FGF12: variants seen among roughly 807,000 people sequenced by gnomAD.
The protein encoded by FGF12 is fibroblast growth factor 12B.
FGF12 carries 14 observed loss-of-function variants against 23.6 expected under a neutral mutation model. The ratio of observed to expected loss-of-function variants is 0.59; its 90% confidence interval spans 0.39 to 0.93. FGF12 has a LOEUF of 0.93. Ranked by LOEUF, FGF12 falls within the 40% of genes least tolerant of loss-of-function variation. FGF12 has a pLI of 0.00. For synonymous variants in FGF12, 62 were observed against 77.3 expected, an observed-to-expected ratio of 0.80 and a Z score of 1.04; for missense variants, 175 against 217.8, an observed-to-expected ratio of 0.80 and a Z score of 1.24.
chr3:192,393,420 G>A (rs1720391228), intron 2 of FGF12, among the ~76,000 whole-genome samples: 2 of 152,178 alleles, frequency 1.3e-5, no homozygotes, highest in South Asian at 2.1e-4. Flanking sequence ...ACACCATGAG[G>A]TGGCCTCTAA....
chr3:192,171,906 T>C (rs1205232325), intron 4 of FGF12, among the ~76,000 whole-genome samples: 1 of 139,226 alleles, frequency 7.2e-6, no homozygotes, highest in Admixed American at 7.4e-5. Context: ...CCCTCTCTCC[T>C]TTTTTTTCTT....
At chr3:192,339,157 A>G (rs769572004) in intron 3 of FGF12, among the ~76,000 whole-genome samples, 3 of 152,166 alleles carry the variant, frequency 2.0e-5, no homozygotes, top group Non-Finnish European at 4.4e-5. Flanking sequence ...ATTTGAAACG[A>G]GACTTTATTG....
chr3:192,664,362 C>T (rs1279032444), intron 2 of FGF12, among the ~76,000 whole-genome samples: 1 of 152,026 alleles, frequency 6.6e-6, no homozygotes, highest in Non-Finnish European at 1.5e-5. Context: ...CAGAGTTGTT[C>T]TAGGACCTTG....
At chr3:192,703,513 A>T (rs1718370465) in intron 2 of FGF12, among the ~76,000 whole-genome samples, 1 of 152,218 alleles carries the variant, frequency 6.6e-6, no homozygotes, top group Non-Finnish European at 1.5e-5. Context: ...TCAAAATGAG[A>T]CAACACTCAA....
At chr3:192,489,434 C>A (rs899078829) in intron 2 of FGF12, among the ~76,000 whole-genome samples, 3 of 151,986 alleles carry the variant, frequency 2.0e-5, no homozygotes, top group African/African-American at 7.2e-5. Context: ...AAATCCATTT[C>A]TTTTTCTTCT....
chr3:192,426,658 G>A (rs1177071234), intron 2 of FGF12, among the ~76,000 whole-genome samples: 1 of 152,132 alleles, frequency 6.6e-6, no homozygotes, highest in Non-Finnish European at 1.5e-5. Context: ...GATAAAAAGT[G>A]TAATACAAAA....
chr3:192,313,456 G>A (rs995329170), intron 4 of FGF12, among the ~76,000 whole-genome samples: 3 of 152,122 alleles, frequency 2.0e-5, no homozygotes, highest in African/African-American at 7.2e-5. Flanking sequence ...CCCATCTATT[G>A]AAATCGAAGA....
At chr3:192,635,005 G>A (rs1224188705) in intron 2 of FGF12, among the ~76,000 whole-genome samples, 4 of 152,158 alleles carry the variant, frequency 2.6e-5, no homozygotes, top group Non-Finnish European at 5.9e-5. Context: ...GATTACAGGC[G>A]CGTGCCACCA....
intron 2 of FGF12, among the ~76,000 whole-genome samples, chr3:192,491,566 T>G (rs1030343771): frequency 6.6e-6 from 1 of 152,150 alleles, no homozygotes; most frequent in Non-Finnish European, 1.5e-5. Flanking sequence ...TACAGGCAAC[T>G]TTACCTCTTA....
intron 2 of FGF12, among the ~76,000 whole-genome samples, chr3:192,683,819 C>G (rs1717631488): frequency 6.6e-6 from 1 of 152,144 alleles, no homozygotes; most frequent in African/African-American, 2.4e-5. Context: ...GAATTGAAAT[C>G]ACTGATGTAA....
At chr3:192,482,145 G>C (rs1723497846) in intron 2 of FGF12, among the ~76,000 whole-genome samples, 1 of 152,136 alleles carries the variant, frequency 6.6e-6, no homozygotes, top group Admixed American at 6.5e-5. Flanking sequence ...TTCCAAGTTT[G>C]AGTTTTGAAC....
At chr3:192,433,131 A>T (rs1721915427) in intron 2 of FGF12, among the ~76,000 whole-genome samples, 1 of 152,160 alleles carries the variant, frequency 6.6e-6, no homozygotes, top group Non-Finnish European at 1.5e-5. Context: ...CATCATTTTT[A>T]GATTCATTGT....
At chr3:192,666,463 T>G (rs537096357) in intron 2 of FGF12, among the ~76,000 whole-genome samples, 1 of 152,220 alleles carries the variant, frequency 6.6e-6, no homozygotes, top group Non-Finnish European at 1.5e-5. Flanking sequence ...TAAATACAAG[T>G]GCTGTGACTT....
At chr3:192,524,252 A>G (rs1257511141) in intron 2 of FGF12, among the ~76,000 whole-genome samples, 2 of 152,196 alleles carry the variant, frequency 1.3e-5, no homozygotes, top group African/African-American at 4.8e-5. Context: ...AAATTATTTC[A>G]GGGCATTTTT....
chr3:192,594,921 G>C (rs947953929), intron 2 of FGF12, among the ~76,000 whole-genome samples: 1 of 151,926 alleles, frequency 6.6e-6, no homozygotes, highest in Non-Finnish European at 1.5e-5. Flanking sequence ...CTAGGCCCTA[G>C]ACTCTAGTGA....
At chr3:192,607,235 C>T (rs1443312361) in intron 2 of FGF12, among the ~76,000 whole-genome samples, 1 of 152,088 alleles carries the variant, frequency 6.6e-6, no homozygotes, top group East Asian at 1.9e-4. Flanking sequence ...TGCAGCAGTT[C>T]CCATGAAATC....
Position 192,139,605 on chromosome 3 carries a change from G to C in FGF12, c.*4404C>G, listed in dbSNP as rs561254631. The stretch of plus-strand genomic sequence containing the variant: ...ATGTCACTGTCTTTAAATTGTACTT[G>C]GAGCAAAGACAAAGAAACATCAGCT... On this transcript the variant is annotated 3_prime_UTR_variant, in exon 6 of 6. Coordinates refer to ENST00000445105, the MANE Select transcript of FGF12 (RefSeq NM_004113.6). 2.5e-3 allele frequency: 387 copies of C among 152,066 alleles called. 1 individual carries two copies. The highest frequency in any genetic ancestry group is 8.9e-3 in the African/African-American group (371 of 41,516). 9.4% of individuals were successfully genotyped at this position (152,066 alleles called of 1,614,324 possible).
At chr3:192,315,347 G>A (rs1716174275) in intron 4 of FGF12, among the ~76,000 whole-genome samples, 2 of 152,134 alleles carry the variant, frequency 1.3e-5, no homozygotes, top group African/African-American at 4.8e-5. Context: ...TCATAAGAAT[G>A]ACTTGTTTCT....
At chr3:192,494,198 C>T (rs955413319) in intron 2 of FGF12, among the ~76,000 whole-genome samples, 12 of 152,178 alleles carry the variant, frequency 7.9e-5, no homozygotes, top group Admixed American at 6.5e-4. Context: ...CCTCTCGTAA[C>T]ATCTTAGATT....
Sources: gnomAD v4.1 joint callset for allele counts (sites outside exome capture counted in the v4.1 genomes callset) on GRCh38, gnomAD v4.1.1 for gene constraint, MANE v1.5 for transcripts, NCBI Gene and HGNC (gene_info 2026-07-23, HGNC 2026-07-21) for gene names.